Variants in NEGR1 observed in about 807,000 individuals in gnomAD.
The protein encoded by NEGR1 is neuronal growth regulator 1.
NEGR1 carries 10 observed loss-of-function variants against 40.9 expected under a neutral mutation model. The ratio of observed to expected loss-of-function variants is 0.24; its 90% CI spans 0.15 to 0.42. The LOEUF is 0.42. Among genes scored for constraint, NEGR1 ranks in the 10% least tolerant of loss-of-function variants. NEGR1 has a pLI of 1.00. For synonymous variants in NEGR1, 185 were observed against 166.8 expected (o/e 1.11, Z -0.84); for missense variants, 352 against 438.9 (o/e 0.80, Z 1.77).
intron 3 of NEGR1, among the ~76,000 whole-genome samples, chr1:71,761,341 A>C (rs928872849): frequency 4.7e-4 from 71 of 152,196 alleles, no homozygotes; most frequent in Non-Finnish European, 7.5e-4. Flanking sequence ...TTACTTACAA[A>C]AAAGACAGCA....
chr1:71,699,335 G>A (rs923445671), intron 3 of NEGR1, among the ~76,000 whole-genome samples: 3 of 151,734 alleles, frequency 2.0e-5, no homozygotes, highest in Non-Finnish European at 4.4e-5. Context: ...ACTGTGGCAT[G>A]GTCTGCCCTC....
intron 1 of NEGR1, among the ~76,000 whole-genome samples, chr1:72,114,945 T>C (rs1649525288): frequency 6.6e-6 from 1 of 151,788 alleles, no homozygotes; most frequent in Admixed American, 6.6e-5. Flanking sequence ...TTGAGTATTG[T>C]AACAAGACAC....
intron 1 of NEGR1, among the ~76,000 whole-genome samples, chr1:72,175,840 T>G (rs1652145005): frequency 6.6e-6 from 1 of 152,124 alleles, no homozygotes; most frequent in African/African-American, 2.4e-5. Context: ...AACTGGCATA[T>G]TCCACAAACT....
At chr1:71,918,987 G>A (rs1018950813) in intron 2 of NEGR1, among the ~76,000 whole-genome samples, 41 of 152,112 alleles carry the variant, frequency 2.7e-4, no homozygotes, top group Non-Finnish European at 4.4e-5. Flanking sequence ...AAAATTTGCA[G>A]TACTGTGAGA....
intron 2 of NEGR1, among the ~76,000 whole-genome samples, chr1:71,867,034 G>T (rs887356917): frequency 6.6e-6 from 1 of 152,154 alleles, no homozygotes; most frequent in Non-Finnish European, 1.5e-5. Flanking sequence ...TTGTGCCTTT[G>T]AAAGGGAAAA....
intron 3 of NEGR1, among the ~76,000 whole-genome samples, chr1:71,701,590 C>A (rs12061421): frequency 0.036 from 5,545 of 152,086 alleles, 131 homozygotes; most frequent in African/African-American, 0.071. Context: ...TAGCTCCTAA[C>A]CTTAATCACA....
intron 6 of NEGR1, among the ~76,000 whole-genome samples, chr1:71,419,296 T>A (rs1646377499): frequency 6.6e-6 from 1 of 152,234 alleles, no homozygotes; most frequent in African/African-American, 2.4e-5. Flanking sequence ...ATACTGTGTC[T>A]ACTGCAACTT....
intron 1 of NEGR1, among the ~76,000 whole-genome samples, chr1:71,996,738 G>T (rs1388175712): frequency 2.0e-5 from 3 of 152,076 alleles, no homozygotes; most frequent in African/African-American, 7.2e-5. Context: ...AGGATCAGAA[G>T]ACATAACCAT....
intron 4 of NEGR1, among the ~76,000 whole-genome samples, chr1:71,694,905 G>A (rs927607672): frequency 4.6e-5 from 7 of 151,682 alleles, no homozygotes; most frequent in African/African-American, 1.7e-4. Flanking sequence ...GAAAGGAAGG[G>A]CTGTCTTGAA....
intron 1 of NEGR1, among the ~76,000 whole-genome samples, chr1:72,063,879 A>AC (rs36047136): frequency 0.38 from 57,978 of 151,354 alleles, 12,071 homozygotes; most frequent in East Asian, 0.6. Context: ...TACTCAGAGA[A>AC]CCCCCCTGTA....
chr1:71,564,775 G>T (rs1487386571), intron 6 of NEGR1, among the ~76,000 whole-genome samples: 3 of 152,022 alleles, frequency 2.0e-5, no homozygotes, highest in Non-Finnish European at 4.4e-5. Flanking sequence ...GTTTCACAAG[G>T]ATAAAACTGG....
At chr1:71,546,788 G>A (rs147674970) in intron 6 of NEGR1, among the ~76,000 whole-genome samples, 8 of 151,782 alleles carry the variant, frequency 5.3e-5, no homozygotes, top group African/African-American at 1.9e-4. Flanking sequence ...TATTGGGTAA[G>A]GGGTGGCCCT....
chr1:71,974,133 A>C (rs915547892), intron 1 of NEGR1, among the ~76,000 whole-genome samples: 1 of 152,152 alleles, frequency 6.6e-6, no homozygotes, highest in African/African-American at 2.4e-5. Context: ...TGCCTCAGGA[A>C]TCCAGTCTAA....
At chr1:72,198,388 T>C (rs1019122342) in intron 1 of NEGR1, among the ~76,000 whole-genome samples, 1 of 151,988 alleles carries the variant, frequency 6.6e-6, no homozygotes, top group African/African-American at 2.4e-5. Flanking sequence ...ACTTTGAGGA[T>C]AGGGAAGATG....
rs547471388 is a variant in NEGR1 at position 71,400,023 on chromosome 1, G to A, written c.*7423C>T. The stretch of plus-strand genomic sequence containing the variant: ...TTGTTTAAGCACAATTCAGAACTGC[G>A]GGAGGTCTAAGTCTGCTGTGACTTA... On this transcript the variant is annotated 3_prime_UTR_variant, in exon 7 of 7. Coordinates refer to ENST00000357731, the MANE Select transcript of NEGR1 (RefSeq NM_173808.3). 9 of 152,180 alleles carry A rather than the reference G, an allele frequency of 5.9e-5. No individual in the cohort carries two copies. In the East Asian group the frequency reaches 1.2e-3, roughly 20 times the overall value. The allele number at this position is 152,180 out of a possible 1,614,324, so 9.4% of individuals were successfully genotyped here. A position where few individuals can be genotyped will look rare whatever the true frequency, so the allele number is the denominator to read the frequency against.
At chr1:71,511,031 G>C (rs563250238) in intron 6 of NEGR1, among the ~76,000 whole-genome samples, 1 of 152,148 alleles carries the variant, frequency 6.6e-6, no homozygotes, top group Admixed American at 6.5e-5. Flanking sequence ...CTAAGTCTAG[G>C]GCAGACTTCC....
At chr1:71,696,544 C>G (rs1653480151) in intron 4 of NEGR1, among the ~76,000 whole-genome samples, 1 of 151,742 alleles carries the variant, frequency 6.6e-6, no homozygotes, top group Non-Finnish European at 1.5e-5. Flanking sequence ...ATATATGTCT[C>G]TCTTCCCTCC....
chr1:72,079,826 A>C (rs1647910900), intron 1 of NEGR1, among the ~76,000 whole-genome samples: 1 of 152,112 alleles, frequency 6.6e-6, no homozygotes, highest in East Asian at 1.9e-4. Context: ...CAAGTGAAAA[A>C]TGTTTTACTC....
intron 1 of NEGR1, among the ~76,000 whole-genome samples, chr1:72,205,131 C>T (rs1031547755): frequency 1.1e-4 from 17 of 151,830 alleles, no homozygotes; most frequent in Non-Finnish European, 1.8e-4. Flanking sequence ...CATCTTATTT[C>T]GGGAAAAAAG....
Sources: allele counts gnomAD v4.1 joint callset (sites outside exome capture counted in the v4.1 genomes callset), GRCh38; gene constraint gnomAD v4.1.1; transcripts MANE v1.5; gene names NCBI Gene and HGNC (gene_info 2026-07-23, HGNC 2026-07-21).